The following FARS2 variants were observed in gnomAD, a reference collection of about 807,000 sequenced individuals.
FARS2 encodes the protein phenylalanine--tRNA ligase, mitochondrial.
A neutral mutation model predicts 46.4 loss-of-function variants in FARS2; 40 were observed. The ratio of observed to expected loss-of-function variants is 0.86; its 90% CI spans 0.67 to 1.12. The LOEUF (loss-of-function observed/expected upper bound fraction) is 1.12, where lower values mean the gene tolerates loss of function less well. Among genes scored for constraint, FARS2 ranks in the 50% most tolerant of loss-of-function variants. FARS2 has a pLI of 0.00. For synonymous variants in FARS2, 234 were observed against 214.9 expected, an observed-to-expected ratio of 1.09 and a Z score of -0.78; for missense variants, 513 against 567.9, an observed-to-expected ratio of 0.90 and a Z score of 0.98.
intron 3 of FARS2, among the ~76,000 whole-genome samples, chr6:5,408,333 A>G (rs1402367800): frequency 6.6e-6 from 1 of 152,152 alleles, no homozygotes; most frequent in African/African-American, 2.4e-5. Context: ...AAGGATAAGC[A>G]AGGTGGGGGG....
chr6:5,571,258 G>A (rs979687830), intron 5 of FARS2, among the ~76,000 whole-genome samples: 8 of 152,168 alleles, frequency 5.3e-5, no homozygotes, highest in Non-Finnish European at 7.3e-5. Flanking sequence ...GGGCCTACAC[G>A]AATATAAGCA....
At chr6:5,283,405 C>T (rs572712133) in intron 1 of FARS2, among the ~76,000 whole-genome samples, 1 of 148,292 alleles carries the variant, frequency 6.7e-6, no homozygotes, top group South Asian at 2.1e-4. Flanking sequence ...ACAAATTAGC[C>T]AGGCGTCTTG....
At chr6:5,570,227 T>G (rs1229897221) in intron 5 of FARS2, among the ~76,000 whole-genome samples, 1 of 152,204 alleles carries the variant, frequency 6.6e-6, no homozygotes, top group Non-Finnish European at 1.5e-5. Flanking sequence ...ATCTAGAAAG[T>G]GCTATCTAGA....
chr6:5,517,354 G>A (rs1427028313), intron 4 of FARS2, among the ~76,000 whole-genome samples: 1 of 152,152 alleles, frequency 6.6e-6, no homozygotes, highest in African/African-American at 2.4e-5. Flanking sequence ...CTCATTGCCT[G>A]TAATTCCAGC....
chr6:5,292,078 C>G (rs1410134431), intron 1 of FARS2, among the ~76,000 whole-genome samples: 2 of 151,984 alleles, frequency 1.3e-5, no homozygotes, highest in African/African-American at 4.8e-5. Context: ...TGGGGGTTGT[C>G]AGAATGAACA....
intron 2 of FARS2, among the ~76,000 whole-genome samples, chr6:5,391,034 C>T (rs1002381816): frequency 6.6e-6 from 1 of 152,136 alleles, no homozygotes; most frequent in African/African-American, 2.4e-5. Flanking sequence ...TAGGGTAAAC[C>T]GTCATTATTT....
chr6:5,665,014 G>A (rs983923963), intron 6 of FARS2: 5 of 152,152 alleles, frequency 3.3e-5, no homozygotes, highest in African/African-American at 1.2e-4. Context: ...TATACTTGTT[G>A]CTTCAGGGCA....
Position 5,318,395 on chromosome 6 carries a change from A to AAAC in FARS2, c.-21-50153_-21-50152insCAA, listed in dbSNP as rs1255248351. ...AACAAGCAAAAAAAAACCAAAAAAAAAAAAAAAAAAAACCCTACAAGATAA... is the reference window on the plus strand; with the variant it reads ...AACAAGCAAAAAAAAACCAAAAAAAAAACAAAAAAAAAAAACCCTACAAGATAA... On this transcript the variant is annotated intron_variant, in intron 1 of 6. Coordinates refer to ENST00000274680, the MANE Select transcript of FARS2 (RefSeq NM_006567.5). Among the ~76,000 whole-genome samples the AAAC allele has an allele frequency of 1.5e-4, 20 of 137,286 alleles. 1 individual carries two copies. Among genetic ancestry groups the AAAC allele is most frequent in the Admixed American group, 6.5e-4 (9 of 13,840 alleles). The allele number at this position is 137,286 out of a possible 152,430, so 90.1% of individuals were successfully genotyped here.
intron 5 of FARS2, among the ~76,000 whole-genome samples, chr6:5,561,569 G>A (rs536359219): frequency 2.2e-4 from 34 of 152,196 alleles, no homozygotes; most frequent in Middle Eastern, 3.4e-3. Context: ...TTTATTTTGA[G>A]TGATGTTTCA....
intron 6 of FARS2, among the ~76,000 whole-genome samples, chr6:5,758,735 C>T (rs1230662217): frequency 6.6e-6 from 1 of 152,124 alleles, no homozygotes; most frequent in Non-Finnish European, 1.5e-5. Flanking sequence ...TTGGGCAAAT[C>T]GCTGTCTCTG....
In FARS2 at chr6:5,620,725, C is replaced by G. The variant is rs77440910; in HGVS notation, c.1217+7405C>G. 3.0e-3 allele frequency among the ~76,000 whole-genome samples: 450 copies of G among 152,276 alleles called. 1 individual carries two copies. Among genetic ancestry groups the G allele is most frequent in the African/African-American group, 0.01 (435 of 41,570 alleles). ...CCAGCAATCAGCACCAACTTCAAGT[C>G]CCTTGTGTTATTCTGATGGTCTCAA... On this transcript the variant is annotated intron_variant, in intron 6 of 6. Coordinates refer to ENST00000274680, the MANE Select transcript of FARS2 (RefSeq NM_006567.5).
chr6:5,609,867 G>A, intron 5 of FARS2: 1 of 1,000,626 alleles, frequency 1.0e-6, no homozygotes, highest in Non-Finnish European at 1.6e-6. Context: ...TGTCTTTAAT[G>A]CCACCAACAA....
chr6:5,705,189 C>T (rs1167671324), intron 6 of FARS2, among the ~76,000 whole-genome samples: 1 of 152,190 alleles, frequency 6.6e-6, no homozygotes, highest in African/African-American at 2.4e-5. Context: ...AAGTTACAAT[C>T]TGACCAAATA....
At chr6:5,506,989 A>C (rs1768140563) in intron 4 of FARS2, among the ~76,000 whole-genome samples, 1 of 152,156 alleles carries the variant, frequency 6.6e-6, no homozygotes. Flanking sequence ...ACATAGGATG[A>C]CTTTTTCCAG....
intron 6 of FARS2, chr6:5,694,834 A>T (rs1757992033): frequency 7.2e-6 from 1 of 138,172 alleles, no homozygotes; most frequent in African/African-American, 2.9e-5. Context: ...AGAACCCCCC[A>T]CACCTCTACA....
At chr6:5,269,149 T>C (rs1402844792) in intron 1 of FARS2, among the ~76,000 whole-genome samples, 1 of 152,204 alleles carries the variant, frequency 6.6e-6, no homozygotes, top group Non-Finnish European at 1.5e-5. Context: ...CATGGAATAC[T>C]ATGCAGCCAT....
intron 3 of FARS2, among the ~76,000 whole-genome samples, chr6:5,419,804 C>T (rs1762443426): frequency 6.6e-6 from 1 of 152,150 alleles, no homozygotes; most frequent in African/African-American, 2.4e-5. Flanking sequence ...TTTTGCCTCC[C>T]TCCTGCCCCA....
At chr6:5,260,515 G>T, upstream of FARS2, 1 of 1,234,512 alleles carries the variant, frequency 8.1e-7, no homozygotes, top group Non-Finnish European at 1.1e-6. Context: ...CGATGGCGGA[G>T]CCCGGTCCTT....
intron 6 of FARS2, among the ~76,000 whole-genome samples, chr6:5,622,721 G>A (rs1775837374): frequency 6.6e-6 from 1 of 152,206 alleles, no homozygotes; most frequent in Non-Finnish European, 1.5e-5. Context: ...CACCAAATCT[G>A]CTGGCACCTT....
Sources: allele counts gnomAD v4.1 joint callset (sites outside exome capture counted in the v4.1 genomes callset), GRCh38; gene constraint gnomAD v4.1.1; transcripts MANE v1.5; gene names NCBI Gene and HGNC (gene_info 2026-07-23, HGNC 2026-07-21).